SLC22A15: variants seen among roughly 807,000 people sequenced by gnomAD.
The protein encoded by SLC22A15 is flipt 1.
In SLC22A15, 45 loss-of-function variants were observed where a neutral mutation model predicts 62.7. The observed-to-expected ratio is 0.72, with a 90% CI of 0.56 to 0.92. The LOEUF (loss-of-function observed/expected upper bound fraction) is 0.92. Among genes scored for constraint, SLC22A15 ranks in the 40% least tolerant of loss-of-function variants. The pLI, the probability that SLC22A15 is intolerant of heterozygous loss-of-function variation, is 0.00. For missense variants in SLC22A15, 622 were observed against 665.6 expected (o/e 0.93, Z 0.72); for synonymous variants, 264 against 267.0 (o/e 0.99, Z 0.11).
intron 1 of SLC22A15, among the ~76,000 whole-genome samples, chr1:115,989,845 A>C (rs1391568330): frequency 6.6e-6 from 1 of 152,092 alleles, no homozygotes; most frequent in Non-Finnish European, 1.5e-5. Context: ...CCTCGCACAT[A>C]GTTAGCATTA....
intron 1 of SLC22A15, among the ~76,000 whole-genome samples, chr1:115,977,709 C>T (rs1557865732): frequency 6.6e-6 from 1 of 152,182 alleles, no homozygotes; most frequent in East Asian, 1.9e-4. Context: ...GTGGGGCAGG[C>T]AGACAGTTAA....
intron 8 of SLC22A15, among the ~76,000 whole-genome samples, chr1:116,040,515 T>G (rs184243702): frequency 1.0e-3 from 152 of 152,294 alleles, no homozygotes; most frequent in African/African-American, 3.4e-3. Context: ...ACGTCCAAGG[T>G]TGCATAGCAA....
intron 2 of SLC22A15, among the ~76,000 whole-genome samples, chr1:115,993,455 G>C (rs1016484745): frequency 3.7e-4 from 56 of 150,912 alleles, no homozygotes; most frequent in African/African-American, 1.1e-3. Context: ...GTGTGTGTGT[G>C]TGTCTGTCTG....
In SLC22A15 at chr1:116,002,313, T is replaced by C. The variant is rs1240155123; in HGVS notation, c.300+10070T>C. Among the ~76,000 whole-genome samples, 7 of 152,318 alleles carry C rather than the reference T, an allele frequency of 4.6e-5. No individual in the cohort carries two copies. The South Asian group carries it at 1.2e-3, about 27-fold the overall frequency. On this transcript the variant is annotated intron_variant, in intron 2 of 11. Coordinates refer to ENST00000369503, the MANE Select transcript of SLC22A15 (RefSeq NM_018420.3). ...CACATGAAGTTGGCATAGTACCAGG[T>C]CCTGCCCAAGGCCTGTGACAACTAT...
At chr1:116,046,293 C>T (rs1289543614) in intron 8 of SLC22A15, among the ~76,000 whole-genome samples, 15 of 152,070 alleles carry the variant, frequency 9.9e-5, no homozygotes, top group Non-Finnish European at 2.1e-4. Flanking sequence ...TTAAAAGACT[C>T]TATTACAGAA....
chr1:115,978,728 A>G (rs1570676567), intron 1 of SLC22A15, among the ~76,000 whole-genome samples: 1 of 152,074 alleles, frequency 6.6e-6, no homozygotes. Context: ...GTTGTTGGAG[A>G]TGTTTTGTAT....
intron 5 of SLC22A15, 80 bp from the exon 6 acceptor site, chr1:116,031,286 C>T (rs942618777): frequency 8.6e-6 from 9 of 1,050,512 alleles, no homozygotes; most frequent in African/African-American, 3.2e-5. Flanking sequence ...CAGGAATCCA[C>T]GTACTGAGTA....
At chr1:116,022,077 G>A (rs1043720536) in intron 4 of SLC22A15, among the ~76,000 whole-genome samples, 6 of 152,174 alleles carry the variant, frequency 3.9e-5, no homozygotes, top group South Asian at 2.1e-4. Flanking sequence ...AACAGCTGTC[G>A]AGTGGAAGGA....
chr1:116,007,775 A>T (rs995026580), intron 2 of SLC22A15, among the ~76,000 whole-genome samples: 1 of 152,234 alleles, frequency 6.6e-6, no homozygotes, highest in African/African-American at 2.4e-5. Flanking sequence ...ATAAGCTGCT[A>T]GTCTGGGATT....
intron 1 of SLC22A15, among the ~76,000 whole-genome samples, chr1:115,985,815 C>T (rs1485142186): frequency 3.3e-5 from 5 of 151,476 alleles, no homozygotes; most frequent in East Asian, 2.0e-4. Flanking sequence ...GGTGTGGTGG[C>T]GGGTGCCTGT....
chr1:116,007,675 C>G (rs1570718514), intron 2 of SLC22A15, among the ~76,000 whole-genome samples: 2 of 152,208 alleles, frequency 1.3e-5, no homozygotes, highest in Non-Finnish European at 2.9e-5. Flanking sequence ...TCCATAGATG[C>G]TATGTATTTA....
At position 116,031,504 on chromosome 1, in the gene SLC22A15, C is replaced by G. The variant is rs1657393551; in HGVS notation, c.867C>G (p.Cys289Trp). The G allele has an allele frequency of 6.2e-7, 1 of 1,613,984 alleles. No homozygotes were observed. Among genetic ancestry groups the G allele is most frequent in the African/African-American group, 1.3e-5 (1 of 75,036 alleles). Residue 289 changes from cysteine to tryptophan, a missense_variant, in exon 6 of 12, where the codon TGC becomes TGG. Coordinates refer to ENST00000369503, the MANE Select transcript of SLC22A15 (RefSeq NM_018420.3). ...FSLTHPANRS[C>W]RETGSFLDLF... ...TAACACACCCAGCCAACAGGAGCTG[C>G]AGGGAGACTGGAAGTTTCCTGGATC...
chr1:116,030,723 T>C (rs1657350922), intron 5 of SLC22A15, among the ~76,000 whole-genome samples: 1 of 152,202 alleles, frequency 6.6e-6, no homozygotes, highest in African/African-American at 2.4e-5. Context: ...TCAGGAAATA[T>C]CCTCAGGACA....
chr1:116,051,824 T>C (rs1414829452), intron 8 of SLC22A15, among the ~76,000 whole-genome samples: 1 of 152,146 alleles, frequency 6.6e-6, no homozygotes, highest in Non-Finnish European at 1.5e-5. Context: ...ACAGCAGATT[T>C]GTGATTTAAC....
intron 2 of SLC22A15, among the ~76,000 whole-genome samples, chr1:116,007,727 A>G (rs1656052865): frequency 2.0e-5 from 3 of 152,190 alleles, no homozygotes; most frequent in African/African-American, 7.2e-5. Context: ...ATAACAGATG[A>G]AGAGAATTTA....
At chr1:115,979,870 A>G (rs901515985) in intron 1 of SLC22A15, among the ~76,000 whole-genome samples, 2 of 152,084 alleles carry the variant, frequency 1.3e-5, no homozygotes, top group Non-Finnish European at 2.9e-5. Flanking sequence ...TAAAGCCCCC[A>G]TTTACTATCA....
At chr1:115,986,249 T>C (rs1654858640) in intron 1 of SLC22A15, among the ~76,000 whole-genome samples, 2 of 152,102 alleles carry the variant, frequency 1.3e-5, no homozygotes, top group East Asian at 1.9e-4. Context: ...TTAAAAAATG[T>C]ATTTGATAGA....
chr1:116,030,109 T>A (rs1358754091), intron 5 of SLC22A15, among the ~76,000 whole-genome samples: 1 of 152,208 alleles, frequency 6.6e-6, no homozygotes, highest in African/African-American at 2.4e-5. Context: ...ATGGAAGGAT[T>A]TTTCAGGATG....
chr1:116,064,081 C>A (rs1658442438), intron 9 of SLC22A15, among the ~76,000 whole-genome samples: 1 of 152,174 alleles, frequency 6.6e-6, no homozygotes, highest in South Asian at 2.1e-4. Context: ...ATGCTCATTT[C>A]TATATCATCC....
Sources: allele counts gnomAD v4.1 joint callset (sites outside exome capture counted in the v4.1 genomes callset), GRCh38; gene constraint gnomAD v4.1.1; transcripts MANE v1.5; gene names NCBI Gene and HGNC (gene_info 2026-07-23, HGNC 2026-07-21).